The following LRMDA variants were observed in gnomAD, a reference collection of about 807,000 sequenced individuals.
LRMDA encodes leucine-rich melanocyte differentiation-associated protein.
A neutral mutation model predicts 29.8 loss-of-function variants in LRMDA; 18 were observed. The observed-to-expected ratio is 0.60, with a 90% CI of 0.42 to 0.90. The LOEUF is 0.90. Among genes scored for constraint, LRMDA ranks in the 40% least tolerant of loss-of-function variants. LRMDA has a pLI of 0.00. For missense variants in LRMDA, 273 were observed against 273.9 expected, an observed-to-expected ratio of 1.00 and a Z score of 0.02; for synonymous variants, 125 against 109.4, an observed-to-expected ratio of 1.14 and a Z score of -0.89.
intron 2 of LRMDA, among the ~76,000 whole-genome samples, chr10:75,610,206 G>A (rs932487633): frequency 1.3e-5 from 2 of 152,152 alleles, no homozygotes; most frequent in African/African-American, 4.8e-5. Context: ...TGGTGCAACT[G>A]TCACCACTAT....
At chr10:75,870,126 T>C (rs143698808) in intron 2 of LRMDA, among the ~76,000 whole-genome samples, 1,720 of 152,282 alleles carry the variant, frequency 0.011, 55 homozygotes, top group Non-Finnish European at 8.8e-3. Flanking sequence ...GCTTGTGGGC[T>C]AAGAATGGTT....
intron 5 of LRMDA, among the ~76,000 whole-genome samples, chr10:76,263,957 G>A (rs985037783): frequency 3.9e-5 from 6 of 152,116 alleles, no homozygotes; most frequent in Non-Finnish European, 7.4e-5. Flanking sequence ...TAACTCATTC[G>A]TAGGTAATCT....
At chr10:76,180,101 A>C (rs1268483185) in intron 5 of LRMDA, among the ~76,000 whole-genome samples, 3 of 151,898 alleles carry the variant, frequency 2.0e-5, no homozygotes, top group Non-Finnish European at 2.9e-5. Context: ...ATGAAAGTGG[A>C]AATGCGTTAG....
At chr10:75,920,584 T>A (rs531340148) in intron 2 of LRMDA, among the ~76,000 whole-genome samples, 3 of 152,192 alleles carry the variant, frequency 2.0e-5, no homozygotes, top group Non-Finnish European at 4.4e-5. Context: ...AGCCAAAGTA[T>A]ATAGAGGAAA....
chr10:75,466,382 G>GT (rs1844650523), intron 2 of LRMDA, among the ~76,000 whole-genome samples: 8 of 152,122 alleles, frequency 5.3e-5, no homozygotes, highest in African/African-American at 1.9e-4. Context: ...CATTCCAGGG[G>GT]GATGGGGTGG....
intron 5 of LRMDA, among the ~76,000 whole-genome samples, chr10:76,176,300 A>G (rs1226651904): frequency 6.6e-6 from 1 of 152,172 alleles, no homozygotes; most frequent in Non-Finnish European, 1.5e-5. Context: ...CAGAAAATAA[A>G]GGTGATGAAG....
chr10:76,518,228 A>G (rs2132358085), intron 6 of LRMDA, among the ~76,000 whole-genome samples: 1 of 152,042 alleles, frequency 6.6e-6, no homozygotes, highest in East Asian at 1.9e-4. Context: ...ATCTATCTAT[A>G]TATCTGTCTA....
At chr10:76,098,577 T>A (rs1000604638) in intron 5 of LRMDA, among the ~76,000 whole-genome samples, 2 of 152,202 alleles carry the variant, frequency 1.3e-5, no homozygotes, top group African/African-American at 4.8e-5. Context: ...CTTTCTTCTT[T>A]TTTTTCATAT....
chr10:75,977,465 G>A (rs1241986899), intron 2 of LRMDA, among the ~76,000 whole-genome samples: 2 of 152,226 alleles, frequency 1.3e-5, no homozygotes, highest in South Asian at 4.2e-4. Context: ...GAGCTGAGTC[G>A]AATTCCTGAG....
chr10:75,488,018 T>C (rs368987806), intron 2 of LRMDA, among the ~76,000 whole-genome samples: 3 of 152,212 alleles, frequency 2.0e-5, no homozygotes, highest in African/African-American at 7.2e-5. Flanking sequence ...CATGTGTCAG[T>C]TGGTTTGATG....
intron 5 of LRMDA, among the ~76,000 whole-genome samples, chr10:76,234,687 G>C (rs961611421): frequency 1.3e-5 from 2 of 152,104 alleles, no homozygotes; most frequent in African/African-American, 4.8e-5. Context: ...GCTTCACCTT[G>C]CCCTTTTATG....
chr10:75,839,612 A>G (rs909674457), intron 2 of LRMDA, among the ~76,000 whole-genome samples: 1 of 145,534 alleles, frequency 6.9e-6, no homozygotes, highest in Non-Finnish European at 1.5e-5. Flanking sequence ...TACCTAGCAG[A>G]TTATCTGGAT....
At chr10:76,286,861 C>T (rs948203610) in intron 5 of LRMDA, among the ~76,000 whole-genome samples, 2 of 152,128 alleles carry the variant, frequency 1.3e-5, no homozygotes, top group Non-Finnish European at 2.9e-5. Flanking sequence ...CCTAGCTTTG[C>T]CAGCCCATAA....
intron 5 of LRMDA, among the ~76,000 whole-genome samples, chr10:76,202,588 CTT>C (rs1851453495): frequency 6.6e-6 from 1 of 152,188 alleles, no homozygotes; most frequent in Admixed American, 6.5e-5. Flanking sequence ...GAAGAGGACT[CTT>C]TTGTGTCCAG....
intron 2 of LRMDA, among the ~76,000 whole-genome samples, chr10:75,815,708 A>G (rs1844047307): frequency 6.6e-6 from 1 of 152,208 alleles, no homozygotes; most frequent in Non-Finnish European, 1.5e-5. Context: ...AGAATGAGAG[A>G]GAATTAACCT....
intron 5 of LRMDA, among the ~76,000 whole-genome samples, chr10:76,142,741 G>A (rs543538006): frequency 3.3e-5 from 5 of 150,154 alleles, no homozygotes; most frequent in Admixed American, 2.0e-4. Context: ...TGCACAATGT[G>A]CAGGTTTGTT....
chr10:75,590,020 ATTT>A (rs35499338), intron 2 of LRMDA, among the ~76,000 whole-genome samples: 12 of 136,848 alleles, frequency 8.8e-5, no homozygotes, highest in East Asian at 2.1e-4. Flanking sequence ...GAAGATGATG[ATTT>A]TTTTTTTTTT....
At chr10:76,382,356 ACCT>A (rs2132472885) in intron 6 of LRMDA, among the ~76,000 whole-genome samples, 1 of 152,334 alleles carries the variant, frequency 6.6e-6, no homozygotes, top group South Asian at 2.1e-4. Context: ...TTCACAACAA[ACCT>A]CGATGATTTT....
At chr10:75,645,549 C>T (rs577348332) in intron 2 of LRMDA, among the ~76,000 whole-genome samples, 16 of 152,216 alleles carry the variant, frequency 1.1e-4, no homozygotes, top group African/African-American at 3.4e-4. Context: ...AAGTGCTTTA[C>T]TGCAGTTAGA....
Sources: allele counts gnomAD v4.1 joint callset (sites outside exome capture counted in the v4.1 genomes callset), GRCh38; gene constraint gnomAD v4.1.1; transcripts MANE v1.5; gene names NCBI Gene and HGNC (gene_info 2026-07-23, HGNC 2026-07-21).